CFAP20DC: variants seen among roughly 807,000 people sequenced by gnomAD.
CFAP20DC encodes the protein CFAP20 domain containing.
A neutral mutation model predicts 101.7 loss-of-function variants in CFAP20DC; 84 were observed. The ratio of observed to expected loss-of-function variants is 0.83; its 90% CI spans 0.69 to 0.99. CFAP20DC has a LOEUF of 0.99. CFAP20DC is among the 50% of genes least tolerant of loss of function. The probability of loss-of-function intolerance (pLI) is 0.00; values close to 1 mark genes in which losing one functional copy is unlikely to be tolerated. For synonymous variants in CFAP20DC, 359 were observed against 351.2 expected, an observed-to-expected ratio of 1.02 and a Z score of -0.25; for missense variants, 1,007 against 970.3, an observed-to-expected ratio of 1.04 and a Z score of -0.50.
chr3:58,853,319 C>A (rs1202695854), intron 12 of CFAP20DC, among the ~76,000 whole-genome samples: 41 of 152,220 alleles, frequency 2.7e-4, no homozygotes, highest in South Asian at 8.3e-4. Flanking sequence ...CAATAACAGG[C>A]TCTGAAATTG....
At chr3:58,813,322 A>G (rs1324044650) in intron 14 of CFAP20DC, among the ~76,000 whole-genome samples, 1 of 152,010 alleles carries the variant, frequency 6.6e-6, no homozygotes, top group East Asian at 1.9e-4. Flanking sequence ...TATAACGGGA[A>G]AAAATTCCAT....
rs1441968738 is a variant in CFAP20DC, at chr3:59,049,998, G to A, written c.-367C>T. 3 of 242,104 alleles carry A rather than the reference G, an allele frequency of 1.2e-5. No individual in the cohort carries two copies. Among genetic ancestry groups the A allele is most frequent in the Non-Finnish European group, 2.4e-5 (3 of 125,432 alleles). The allele number at this position is 242,104 out of a possible 1,614,324, so 15.0% of individuals were successfully genotyped here. On this transcript the variant is annotated 5_prime_UTR_variant, in exon 1 of 17. Transcript: ENST00000482387. ...CCGCTGGCCTAGGAAAAGCGGGCGCGCTCCCGCTGCCGCCCCACCCCAGAA... is the reference window on the plus strand; with the variant it reads ...CCGCTGGCCTAGGAAAAGCGGGCGCACTCCCGCTGCCGCCCCACCCCAGAA...
intron 4 of CFAP20DC, among the ~76,000 whole-genome samples, chr3:58,969,466 T>C (rs1452789143): frequency 6.6e-6 from 1 of 152,186 alleles, no homozygotes; most frequent in African/African-American, 2.4e-5. Flanking sequence ...ATTTCACTCG[T>C]AGGTGAGCTC....
chr3:58,843,065 A>C (rs2108214728), intron 13 of CFAP20DC, among the ~76,000 whole-genome samples: 1 of 152,322 alleles, frequency 6.6e-6, no homozygotes, highest in African/African-American at 2.4e-5. Flanking sequence ...GATGGGGAAA[A>C]AACAGAACAG....
intron 4 of CFAP20DC, among the ~76,000 whole-genome samples, chr3:59,005,296 C>T (rs2093408339): frequency 6.6e-6 from 1 of 152,158 alleles, no homozygotes; most frequent in Non-Finnish European, 1.5e-5. Flanking sequence ...CAAGTCCAGC[C>T]ACATGCACAG....
At chr3:58,827,307 T>G (rs2076105263) in intron 14 of CFAP20DC, among the ~76,000 whole-genome samples, 1 of 151,408 alleles carries the variant, frequency 6.6e-6, no homozygotes, top group African/African-American at 2.4e-5. Flanking sequence ...GAGAAGGAGC[T>G]GCCAGACAGA....
chr3:58,986,694 A>G (rs2092764155), intron 4 of CFAP20DC, among the ~76,000 whole-genome samples: 1 of 152,186 alleles, frequency 6.6e-6, no homozygotes, highest in African/African-American at 2.4e-5. Flanking sequence ...GCTGAGAAAG[A>G]CATTTAAAAA....
rs2079900878 is a variant in CFAP20DC, at chr3:58,868,793, G to T, written c.1015+535C>A. ...ATCAGTAAGGGTAGAAAAAGTGACA[G>T]GGAATTCTAAGTCTTGGGTTCTGGT... On this transcript the variant is annotated intron_variant, in intron 9 of 16. Transcript: ENST00000482387. The surrounding 1 kb of genome is among the most constrained non-coding windows in gnomAD (Gnocchi z 4.6). 6.6e-6 allele frequency among the ~76,000 whole-genome samples: 1 copy of T among 152,158 alleles called. No homozygotes were observed. Among genetic ancestry groups the T allele is most frequent in the Non-Finnish European group, 1.5e-5 (1 of 68,020 alleles).
chr3:58,788,144 TAA>T lies in CFAP20DC; in HGVS notation c.2237+18249_2237+18250del, dbSNP rs542429709. ...TTGTCCCAGAACTTAAAGTACAATT[TAA>T]AAAAAAAAAAGAGGAAGAAAACACT... On this transcript the variant is annotated intron_variant, in intron 15 of 16. Transcript: ENST00000482387. This position sits in a 1 kb window ranked among gnomAD's most constrained non-coding sequence, Gnocchi z 4.2. Among the ~76,000 whole-genome samples, 1 of 138,722 alleles carries T rather than the reference TAA, an allele frequency of 7.2e-6. No homozygotes were observed. The highest frequency in any genetic ancestry group is 7.3e-5 in the Admixed American group (1 of 13,770). 91.0% of individuals were successfully genotyped at this position (138,722 alleles called of 152,430 possible).
intron 15 of CFAP20DC, among the ~76,000 whole-genome samples, chr3:58,762,366 A>C (rs530545903): frequency 4.6e-4 from 70 of 151,708 alleles, no homozygotes; most frequent in African/African-American, 1.5e-3. Context: ...CAACCCCCGC[A>C]TTTTTTTGTT....
Position 58,732,933 on chromosome 3 carries a change from G to C in CFAP20DC, c.198-15305C>G, listed in dbSNP as rs2067673098. Among the ~76,000 whole-genome samples the C allele has an allele frequency of 6.6e-6, 1 of 152,202 alleles. No homozygotes were observed. Among genetic ancestry groups the C allele is most frequent in the Admixed American group, 6.5e-5 (1 of 15,284 alleles). On this transcript the variant is annotated intron_variant, in intron 3 of 3. Coordinates refer to the CFAP20DC transcript ENST00000486145. The surrounding 1 kb of genome is among the most constrained non-coding windows in gnomAD (Gnocchi z 5.4). ...CCGAGTAGAAAATAAATGCAAAGCTGAAGAGGATTATTTCTATAATTTCTT... is the reference window on the plus strand; with the variant it reads ...CCGAGTAGAAAATAAATGCAAAGCTCAAGAGGATTATTTCTATAATTTCTT...
intron 4 of CFAP20DC, among the ~76,000 whole-genome samples, chr3:58,993,040 C>T (rs1209999201): frequency 6.6e-6 from 1 of 152,006 alleles, no homozygotes; most frequent in Non-Finnish European, 1.5e-5. Context: ...TCCGGAGCTA[C>T]AAAGGAGAAA....
At chr3:58,848,226 A>C (rs1041574735) in intron 13 of CFAP20DC, among the ~76,000 whole-genome samples, 2 of 151,978 alleles carry the variant, frequency 1.3e-5, no homozygotes, top group African/African-American at 4.8e-5. Flanking sequence ...ACAAAATATT[A>C]GCTACTTCTA....
chr3:58,741,694 C>T (rs2107124360), downstream of CFAP20DC, among the ~76,000 whole-genome samples: 1 of 152,116 alleles, frequency 6.6e-6, no homozygotes, highest in South Asian at 2.1e-4. Context: ...GATGGGGTTT[C>T]ACTGTGTTAG....
intron 4 of CFAP20DC, among the ~76,000 whole-genome samples, chr3:58,965,351 T>C (rs1411687366): frequency 6.6e-6 from 1 of 152,234 alleles, no homozygotes; most frequent in Non-Finnish European, 1.5e-5. Context: ...ACTTCTCTGA[T>C]TTTAAAAGAG....
chr3:58,718,726 G>C (rs2067429426), intron 3 of CFAP20DC, among the ~76,000 whole-genome samples: 2 of 152,254 alleles, frequency 1.3e-5, no homozygotes, highest in East Asian at 1.9e-4. Flanking sequence ...ATTTCTTTCT[G>C]CCATATCCCC....
At chr3:58,984,979 C>G (rs1329544084) in intron 4 of CFAP20DC, among the ~76,000 whole-genome samples, 1 of 152,164 alleles carries the variant, frequency 6.6e-6, no homozygotes, top group Non-Finnish European at 1.5e-5. Context: ...CAGCCCACTG[C>G]AGCCTTGACG....
intron 4 of CFAP20DC, among the ~76,000 whole-genome samples, chr3:59,009,841 T>C (rs1259166347): frequency 6.6e-6 from 1 of 152,086 alleles, no homozygotes; most frequent in Non-Finnish European, 1.5e-5. Flanking sequence ...AGGTAATCTA[T>C]AAAGGAAAAC....
chr3:59,010,103 T>C (rs2093546330), intron 4 of CFAP20DC, among the ~76,000 whole-genome samples: 1 of 151,578 alleles, frequency 6.6e-6, no homozygotes, highest in Non-Finnish European at 1.5e-5. Flanking sequence ...AAATAGAACC[T>C]CCTTAAAGCA....
Sources: gnomAD v4.1 joint callset for allele counts (sites outside exome capture counted in the v4.1 genomes callset) on GRCh38, gnomAD v4.1.1 for gene constraint, Gnocchi (gnomAD v3.1) non-coding constraint, MANE v1.5 for transcripts, NCBI Gene and HGNC (gene_info 2026-07-23, HGNC 2026-07-21) for gene names.